MTIF2: variants seen among roughly 807,000 people sequenced by gnomAD.
The protein encoded by MTIF2 is mitochondrial translational initiation factor 2, also known as translation initiation factor IF-2, mitochondrial.
MTIF2 carries 71 observed loss-of-function variants against 83.5 expected under a neutral mutation model. That is an observed-to-expected ratio of 0.85 (90% CI 0.70 to 1.04). The LOEUF (loss-of-function observed/expected upper bound fraction) is 1.04, where lower values mean the gene tolerates loss of function less well. MTIF2 is among the 50% of genes least tolerant of loss of function. MTIF2 has a pLI of 0.00. For synonymous variants in MTIF2, 319 were observed against 287.1 expected (o/e 1.11, Z -1.12); for missense variants, 957 against 846.5 (o/e 1.13, Z -1.62).
chr2:55,261,941 C>CAAAAAAAAAAAAAAAAAAACA (rs5831348), intron 5 of MTIF2, among the ~76,000 whole-genome samples: 2 of 87,172 alleles, frequency 2.3e-5, no homozygotes, highest in Non-Finnish European at 5.2e-5. Flanking sequence ...AAAAAAAAAC[C>CAAAAAAAAAAAAAAAAAAACA]AAAAAAAAAA....
At chr2:55,266,444 T>C (rs1442125847) in intron 3 of MTIF2, 1 of 151,022 alleles carries the variant, frequency 6.6e-6, no homozygotes, top group Non-Finnish European at 1.5e-5. Context: ...GAGAATTTCT[T>C]GAACCCGGGA....
At chr2:55,241,948 A>T (rs373666988) in intron 13 of MTIF2, among the ~76,000 whole-genome samples, 4 of 151,956 alleles carry the variant, frequency 2.6e-5, no homozygotes, top group East Asian at 3.9e-4. Flanking sequence ...GGGGTTCAAG[A>T]CCAGCCTGGC....
intron 4 of MTIF2, among the ~76,000 whole-genome samples, chr2:55,263,045 T>C (rs1430413161): frequency 6.6e-6 from 1 of 151,976 alleles, no homozygotes. Flanking sequence ...GTATTTTTAG[T>C]AGTGATGGGG....
chr2:55,258,393 G>T (rs1677704384), intron 5 of MTIF2, among the ~76,000 whole-genome samples: 1 of 152,176 alleles, frequency 6.6e-6, no homozygotes. Flanking sequence ...AGTTGGTCAG[G>T]CATAGTGGCT....
At position 55,246,389 on chromosome 2, in the gene MTIF2, T is replaced by C; in HGVS notation, c.1054A>G (p.Asn352Asp). The C allele has an allele frequency of 2.5e-6, 4 of 1,613,896 alleles. No homozygotes were observed. The highest frequency in any genetic ancestry group is 1.1e-5 in the South Asian group (1 of 91,066). ...AEMLELKADP[N>D]GPVEGTVIES... is the part of the protein sequence containing the mutation. ...ATTACTGTTCCTTCCACTGGACCAT[T>C]GGGATCTGCTTTCAATTCTAACATT... Residue 352 changes from asparagine (N) to aspartate (D), a missense_variant, in exon 10 of 16, where the codon AAT becomes GAT. By Grantham distance (23) the Asn-to-Asp change is conservative (BLOSUM62 1). This residue lies in a region of MTIF2 where 733 missense variants were observed against 648.7 expected (regional missense o/e 1.13). Coordinates refer to ENST00000263629, the MANE Select transcript of MTIF2 (RefSeq NM_002453.3).
intron 14 of MTIF2, 83 bp downstream of exon 14, chr2:55,239,928 G>A (rs1676175118): frequency 1.1e-5 from 13 of 1,211,338 alleles, no homozygotes; most frequent in Admixed American, 2.7e-5. Context: ...CATTGAAAAC[G>A]TTTCCTCTAA....
intron 3 of MTIF2, among the ~76,000 whole-genome samples, chr2:55,264,618 T>A (rs1309843377): frequency 1.3e-5 from 2 of 152,106 alleles, no homozygotes; most frequent in African/African-American, 4.8e-5. Flanking sequence ...TCTCTAATGG[T>A]TTCTCATCTC....
chr2:55,257,234 C>A (rs1677614994), intron 5 of MTIF2, among the ~76,000 whole-genome samples: 1 of 152,136 alleles, frequency 6.6e-6, no homozygotes, highest in African/African-American at 2.4e-5. Flanking sequence ...AATCCCAGCA[C>A]TTTGGGAGGC....
intron 5 of MTIF2, among the ~76,000 whole-genome samples, chr2:55,260,400 CAAAAAAAAAA>C (rs70947016): frequency 5.7e-5 from 5 of 87,406 alleles, no homozygotes; most frequent in Middle Eastern, 5.4e-3. Flanking sequence ...AACTCTGTCT[CAAAAAAAAAA>C]AAAAAAAAAG....
At chr2:55,265,609 T>C (rs1460021047) in intron 3 of MTIF2, among the ~76,000 whole-genome samples, 1 of 152,116 alleles carries the variant, frequency 6.6e-6, no homozygotes, top group Non-Finnish European at 1.5e-5. Context: ...ATAGATTTTC[T>C]TTTACTCACT....
At chr2:55,258,190 C>A (rs1418877116) in intron 5 of MTIF2, among the ~76,000 whole-genome samples, 2 of 152,100 alleles carry the variant, frequency 1.3e-5, no homozygotes, top group Non-Finnish European at 2.9e-5. Context: ...TAGCAATAAG[C>A]TCACAAACTG....
rs778465167 is a variant in MTIF2, at chr2:55,243,620, C to T, written c.1360G>A (p.Glu454Lys). The change falls in exon 12 of 16, where the codon GAG becomes AAG. Residue 454 changes from glutamate to lysine, a missense_variant. Around this residue, in one of 3 missense-constraint regions of MTIF2, gnomAD observed 733 missense variants for 648.7 expected, o/e 1.13. Transcript: ENST00000263629. Reference protein sequence around the residue: ...VDWRKYEQEQEKGQEDLKIIE... With the variant: ...VDWRKYEQEQKKGQEDLKIIE... ...ATTTTCAGATCCTCCTGACCTTTCT[C>T]CTGTTCTTGTTCATATTTCCTCCAG... 6.2e-7 allele frequency: 1 copy of T among 1,613,986 alleles called. No individual in the cohort carries two copies. Among genetic ancestry groups the T allele is most frequent in the East Asian group, 2.2e-5 (1 of 44,858 alleles).
intron 13 of MTIF2, 37 bp from the exon 14 acceptor site, chr2:55,240,212 C>A (rs372467548): frequency 6.6e-7 from 1 of 1,506,326 alleles, no homozygotes; most frequent in African/African-American, 1.4e-5. Context: ...AGTAGCACAA[C>A]GATTACATTA....
intron 15 of MTIF2, 29 bp downstream of exon 15, chr2:55,237,259 C>CTA: frequency 1.3e-6 from 2 of 1,595,766 alleles, no homozygotes. Flanking sequence ...ACTGGATATG[C>CTA]TATTATAGGA....
rs1246838467 is a variant in MTIF2 at position 55,269,186 on chromosome 2, T to A, written c.-254A>T. 1.1e-4 allele frequency: 16 copies of A among 152,320 alleles called. No homozygotes were observed. The highest frequency in any genetic ancestry group is 2.9e-5 in the Non-Finnish European group (2 of 68,124). The allele number at this position is 152,320 out of a possible 1,614,324, so 9.4% of individuals were successfully genotyped here. On this transcript the variant is annotated 5_prime_UTR_variant, in exon 1 of 16. Transcript: ENST00000263629. ...ACTCCTACCTACAGCCCCGGGCCCC[T>A]GGATTCTGAGCACGGGCGGAGATCA...
intron 5 of MTIF2, among the ~76,000 whole-genome samples, chr2:55,257,858 C>G (rs1422239164): frequency 6.6e-6 from 1 of 152,176 alleles, no homozygotes; most frequent in Non-Finnish European, 1.5e-5. Context: ...TGCAGTGGCA[C>G]AATCTCAGCT....
chr2:55,250,001 G>A (rs182946200), intron 8 of MTIF2, among the ~76,000 whole-genome samples: 1 of 152,238 alleles, frequency 6.6e-6, no homozygotes, highest in African/African-American at 2.4e-5. Flanking sequence ...CCTGAGGCAG[G>A]AGAATCGCTT....
intron 13 of MTIF2, among the ~76,000 whole-genome samples, chr2:55,242,528 G>T (rs1676400046): frequency 6.6e-6 from 1 of 152,254 alleles, no homozygotes; most frequent in African/African-American, 2.4e-5. Flanking sequence ...AATTACCAAA[G>T]ATAGGCAGCC....
chr2:55,240,400 G>A (rs777991818), intron 13 of MTIF2, among the ~76,000 whole-genome samples: 4 of 152,162 alleles, frequency 2.6e-5, no homozygotes, highest in Non-Finnish European at 5.9e-5. Context: ...GGCCAACATG[G>A]TGAAACCCTG....
Sources: allele counts gnomAD v4.1 joint callset (sites outside exome capture counted in the v4.1 genomes callset), GRCh38; gene constraint gnomAD v4.1.1; regional missense constraint gnomAD v4.1.1; transcripts MANE v1.5; gene names NCBI Gene and HGNC (gene_info 2026-07-23, HGNC 2026-07-21).